The following TNS3 variants were observed in gnomAD, a reference collection of about 807,000 sequenced individuals.
The protein encoded by TNS3 is tensin-3.
In TNS3, 45 loss-of-function variants were observed where a neutral mutation model predicts 140.9. The ratio of observed to expected loss-of-function variants is 0.32; its 90% confidence interval spans 0.25 to 0.41. The LOEUF (loss-of-function observed/expected upper bound fraction) is 0.41. Ranked by LOEUF, TNS3 falls within the 10% of genes least tolerant of loss-of-function variation. TNS3 has a pLI of 1.00. For missense variants in TNS3, 1,716 were observed against 1,906.7 expected (o/e 0.90, Z 1.86); for synonymous variants, 815 against 788.4 (o/e 1.03, Z -0.56).
chr7:47,328,179 G>A (rs1293588276), intron 20 of TNS3, among the ~76,000 whole-genome samples: 1 of 152,038 alleles, frequency 6.6e-6, no homozygotes, highest in Admixed American at 6.5e-5. Flanking sequence ...TGCAGGGGGC[G>A]GGGCGGCCAC....
intron 1 of TNS3, among the ~76,000 whole-genome samples, chr7:47,562,011 T>TA (rs1800327161): frequency 2.0e-5 from 3 of 152,286 alleles, no homozygotes; most frequent in Admixed American, 2.0e-4. Context: ...TTCAGCCACT[T>TA]AGTCTACTGG....
At chr7:47,306,676 G>A (rs997041641) in intron 20 of TNS3, among the ~76,000 whole-genome samples, 8 of 151,916 alleles carry the variant, frequency 5.3e-5, no homozygotes, top group East Asian at 1.9e-4. Flanking sequence ...CCGCGTTCAC[G>A]CCATTCTCCT....
At chr7:47,330,882 C>T (rs940223326) in intron 20 of TNS3, among the ~76,000 whole-genome samples, 2 of 152,134 alleles carry the variant, frequency 1.3e-5, no homozygotes, top group African/African-American at 4.8e-5. Context: ...CTCCCACCAG[C>T]CCGCACTGCC....
At chr7:47,414,182 G>A (rs1793946281) in intron 11 of TNS3, among the ~76,000 whole-genome samples, 185 bp from the exon 12 acceptor site, 1 of 152,158 alleles carries the variant, frequency 6.6e-6, no homozygotes, top group Non-Finnish European at 1.5e-5. Context: ...GGTCCTAGAA[G>A]CCTGCAGAGC....
At chr7:47,559,648 C>T (rs1256493478) in intron 1 of TNS3, among the ~76,000 whole-genome samples, 1 of 152,092 alleles carries the variant, frequency 6.6e-6, no homozygotes, top group Non-Finnish European at 1.5e-5. Context: ...AGCCCTCCTG[C>T]TCTACATCTC....
At chr7:47,495,662 C>G (rs781041454) in intron 3 of TNS3, among the ~76,000 whole-genome samples, 1 of 152,208 alleles carries the variant, frequency 6.6e-6, no homozygotes, top group Non-Finnish European at 1.5e-5. Context: ...AATGCAGTCT[C>G]CCAGCCAGAG....
chr7:47,535,475 A>T (rs1229529271), intron 1 of TNS3, among the ~76,000 whole-genome samples: 2 of 152,246 alleles, frequency 1.3e-5, no homozygotes, highest in Non-Finnish European at 2.9e-5. Context: ...CTATTGTGAA[A>T]TGAGACCAGA....
chr7:47,430,587 C>T lies in TNS3; in HGVS notation c.325-2211G>A, dbSNP rs542242769. ...TGCACTTTAGACCAAATAGACCTTA[C>T]AGACATATACAGAACATTGCATCAG... On this transcript the variant is annotated intron_variant, in intron 8 of 30. Coordinates refer to ENST00000311160, the MANE Select transcript of TNS3 (RefSeq NM_022748.12). 1.2e-4 allele frequency among the ~76,000 whole-genome samples: 19 copies of T among 152,302 alleles called. 1 individual carries two copies. In the South Asian group the frequency reaches 3.7e-3, roughly 30 times the overall value.
intron 17 of TNS3, among the ~76,000 whole-genome samples, chr7:47,364,455 G>A (rs1195283948): frequency 1.3e-5 from 2 of 151,976 alleles, no homozygotes; most frequent in African/African-American, 4.8e-5. Flanking sequence ...ACCAATTTTT[G>A]TAACTTTGTA....
intron 28 of TNS3, among the ~76,000 whole-genome samples, chr7:47,280,626 C>G (rs918256472): frequency 2.6e-5 from 4 of 152,112 alleles, no homozygotes; most frequent in Admixed American, 2.0e-4. Flanking sequence ...TCAAGAAGCC[C>G]TAACAAGCCG....
At chr7:47,497,093 G>C (rs757602480) in intron 3 of TNS3, among the ~76,000 whole-genome samples, 1 of 152,158 alleles carries the variant, frequency 6.6e-6, no homozygotes, top group East Asian at 1.9e-4. Flanking sequence ...CCACTAAATG[G>C]AATTTGTTTG....
intron 20 of TNS3, among the ~76,000 whole-genome samples, chr7:47,305,645 G>A (rs145458788): frequency 3.5e-4 from 54 of 152,360 alleles, no homozygotes; most frequent in African/African-American, 1.1e-3. Context: ...AGCCACCCTC[G>A]CAGGTGGGCC....
chr7:47,574,286 A>G (rs1323449558), intron 1 of TNS3, among the ~76,000 whole-genome samples: 1 of 151,978 alleles, frequency 6.6e-6, no homozygotes, highest in Non-Finnish European at 1.5e-5. Flanking sequence ...TTCTCATCCC[A>G]TTAATCACAG....
chr7:47,522,756 G>A (rs1290698097), intron 2 of TNS3, among the ~76,000 whole-genome samples: 3 of 151,964 alleles, frequency 2.0e-5, no homozygotes, highest in Admixed American at 6.6e-5. Flanking sequence ...GTGAAACCCC[G>A]TTTCTACTAA....
At chr7:47,295,262 C>T (rs1468030875) in intron 24 of TNS3, among the ~76,000 whole-genome samples, 2 of 152,206 alleles carry the variant, frequency 1.3e-5, no homozygotes, top group Non-Finnish European at 2.9e-5. Flanking sequence ...CAGTTATATA[C>T]TCTCATCTAG....
chr7:47,403,121 C>G (rs1439511604), intron 13 of TNS3: 1 of 152,400 alleles, frequency 6.6e-6, no homozygotes, highest in Non-Finnish European at 1.5e-5. Flanking sequence ...TACCGCCCCG[C>G]CCAGCGCAGG....
At chr7:47,523,968 C>T (rs1799084378) in intron 2 of TNS3, among the ~76,000 whole-genome samples, 1 of 152,192 alleles carries the variant, frequency 6.6e-6, no homozygotes, top group South Asian at 2.1e-4. Context: ...GACACAGACA[C>T]ACAAGAACAC....
chr7:47,560,857 A>G (rs1800306764), intron 1 of TNS3, among the ~76,000 whole-genome samples: 1 of 152,174 alleles, frequency 6.6e-6, no homozygotes, highest in African/African-American at 2.4e-5. Flanking sequence ...AACAGGCTGT[A>G]ATCCCCAAGC....
intron 20 of TNS3, among the ~76,000 whole-genome samples, chr7:47,322,109 C>A (rs1787768369): frequency 6.6e-6 from 1 of 150,924 alleles, no homozygotes; most frequent in South Asian, 2.1e-4. Context: ...AGCCCCAGGA[C>A]CAGGGTCTGG....
Sources: gnomAD v4.1 joint callset for allele counts (sites outside exome capture counted in the v4.1 genomes callset) on GRCh38, gnomAD v4.1.1 for gene constraint, MANE v1.5 for transcripts, NCBI Gene and HGNC (gene_info 2026-07-23, HGNC 2026-07-21) for gene names.